Variants in SLC7A9 observed in about 807,000 individuals in gnomAD.
SLC7A9 encodes B(0,+)-type amino acid transporter 1.
Under a neutral mutation model 54.1 loss-of-function variants are expected in SLC7A9, and 38 were observed. The ratio of observed to expected loss-of-function variants is 0.70; its 90% CI spans 0.54 to 0.92. The LOEUF (loss-of-function observed/expected upper bound fraction) is 0.92, where lower values mean the gene tolerates loss of function less well. Among genes scored for constraint, SLC7A9 ranks in the 40% least tolerant of loss-of-function variants. The probability of loss-of-function intolerance (pLI) is 0.00; values close to 1 mark genes in which losing one functional copy is unlikely to be tolerated. For synonymous variants in SLC7A9, 264 were observed against 258.9 expected (o/e 1.02, Z -0.19); for missense variants, 537 against 636.1 (o/e 0.84, Z 1.68).
At chr19:32,862,647 CCTTT>C (rs1968837533) in intron 4 of SLC7A9, 61 bp from the exon 5 acceptor site, 5 of 1,492,264 alleles carry the variant, frequency 3.4e-6, no homozygotes, top group Non-Finnish European at 4.5e-6. Flanking sequence ...GAGAGAGTCT[CCTTT>C]CTTTTATATA....
At chr19:32,845,196 T>TA (rs1968251297) in intron 9 of SLC7A9, among the ~76,000 whole-genome samples, 3 of 151,332 alleles carry the variant, frequency 2.0e-5, no homozygotes, top group East Asian at 2.0e-4. Flanking sequence ...GGAGAAGATA[T>TA]AAAAAACAGG....
intron 9 of SLC7A9, among the ~76,000 whole-genome samples, chr19:32,846,151 G>A (rs1164391808): frequency 6.8e-6 from 1 of 147,866 alleles, no homozygotes; most frequent in East Asian, 2.0e-4. Flanking sequence ...ATCTCACTAG[G>A]GAGTGCCAGA....
At chr19:32,868,227 T>C (rs1303765082) in intron 2 of SLC7A9, among the ~76,000 whole-genome samples, 1 of 94,380 alleles carries the variant, frequency 1.1e-5, no homozygotes, top group Non-Finnish European at 2.0e-5. Flanking sequence ...CAACACTCCA[T>C]CTCAAAAAAA....
At chr19:32,841,616 T>C (rs761614658) in intron 11 of SLC7A9, among the ~76,000 whole-genome samples, 1 of 152,016 alleles carries the variant, frequency 6.6e-6, no homozygotes, top group Non-Finnish European at 1.5e-5. Flanking sequence ...GCGAGAGATA[T>C]CAGAACTGGG....
Position 32,833,179 on chromosome 19 carries a change from A to G in SLC7A9, c.1369T>C (p.Tyr457His), listed in dbSNP as rs138086959. The change falls in exon 12 of 13, where the codon TAC becomes CAC. Residue 457 changes from tyrosine (Y) to histidine (H), a missense_variant. Physicochemically the swap from Tyr to His is moderately conservative, Grantham distance 83. Transcript: ENST00000023064. Reference protein sequence around the residue: ...GLLFYFLFVHYKFGWAQKISK... With the variant: ...GLLFYFLFVHHKFGWAQKISK... ...ATTTTCTGAGCCCATCCAAACTTGT[A>G]GTGGACAAACAGGAAGTAAAATAAA... 1.6e-4 allele frequency: 260 copies of G among 1,614,066 alleles called. 1 individual carries two copies. The highest frequency in any genetic ancestry group is 2.1e-4 in the Non-Finnish European group (243 of 1,180,024).
chr19:32,842,311 T>C lies in SLC7A9; in HGVS notation c.1081A>G (p.Ile361Val), dbSNP rs1247312777. The change falls in exon 11 of 13, where the codon ATA becomes GTA. Residue 361 changes from isoleucine to valine, a missense_variant. Coordinates refer to ENST00000023064, the MANE Select transcript of SLC7A9 (RefSeq NM_014270.5). ...CCAGGGATGATATAAATCGTTGCTA[T>C]GATACCCTAATAGAAAGAAGAATGG... ...PAPAIIFYGIIATIYIIPGDI... is the reference protein window; with the variant it reads ...PAPAIIFYGIVATIYIIPGDI... 2 of 1,613,562 alleles carry C rather than the reference T, an allele frequency of 1.2e-6. No individual in the cohort carries two copies. The highest frequency in any genetic ancestry group is 1.7e-6 in the Non-Finnish European group (2 of 1,179,484).
chr19:32,843,615 G>A (rs1968191798), intron 10 of SLC7A9, among the ~76,000 whole-genome samples: 1 of 152,088 alleles, frequency 6.6e-6, no homozygotes, highest in Non-Finnish European at 1.5e-5. Context: ...TTGTTACCAG[G>A]GACCCAGCAC....
At chr19:32,840,681 C>T (rs1968102619) in intron 11 of SLC7A9, among the ~76,000 whole-genome samples, 1 of 152,130 alleles carries the variant, frequency 6.6e-6, no homozygotes, top group Admixed American at 6.6e-5. Context: ...CTGTTGTCGT[C>T]AGTGATCCTT....
chr19:32,832,796 C>CA, intron 12 of SLC7A9: 2 of 304,502 alleles, frequency 6.6e-6, no homozygotes, highest in Non-Finnish European at 1.3e-5. Flanking sequence ...GTGGTCCCAG[C>CA]TACTTGGGAG....
intron 11 of SLC7A9, among the ~76,000 whole-genome samples, chr19:32,838,784 CAT>C (rs1250014289): frequency 6.8e-6 from 1 of 146,672 alleles, no homozygotes; most frequent in Non-Finnish European, 1.5e-5. Flanking sequence ...CACATATATA[CAT>C]ATACAAATAT....
chr19:32,846,493 C>A (rs1271053098), intron 9 of SLC7A9, among the ~76,000 whole-genome samples: 2 of 152,174 alleles, frequency 1.3e-5, no homozygotes, highest in African/African-American at 4.8e-5. Flanking sequence ...ATTGCCCAGG[C>A]TTGATTAGGT....
At chr19:32,863,372 C>G (rs963468788) in intron 4 of SLC7A9, among the ~76,000 whole-genome samples, 1 of 151,998 alleles carries the variant, frequency 6.6e-6, no homozygotes, top group East Asian at 1.9e-4. Context: ...TGTAATCCCT[C>G]CACCTTGGTC....
Position 32,859,343 on chromosome 19 carries a change from A to AT in SLC7A9, c.873+497dup, listed in dbSNP as rs369614789. On this transcript the variant is annotated intron_variant, in intron 8 of 12. Transcript: ENST00000023064. ...CCCCCACTCCAACCGGAATGGCTGA[A>AT]TTCTCCCTCCCACCTCAGCAGCCCC... is the stretch of plus-strand genomic sequence containing the variant. 4.0e-3 allele frequency among the ~76,000 whole-genome samples: 609 copies of AT among 151,834 alleles called. 4 individuals are homozygous for AT. Among genetic ancestry groups the AT allele is most frequent in the African/African-American group, 0.014 (571 of 41,384 alleles).
At chr19:32,835,178 T>C (rs901603275) in intron 11 of SLC7A9, among the ~76,000 whole-genome samples, 9 of 152,252 alleles carry the variant, frequency 5.9e-5, no homozygotes, top group African/African-American at 1.9e-4. Flanking sequence ...ATCTTTTTAG[T>C]GTAACTGGGT....
chr19:32,868,874 T>C (rs965335324), intron 1 of SLC7A9, among the ~76,000 whole-genome samples: 4 of 152,070 alleles, frequency 2.6e-5, no homozygotes, highest in African/African-American at 4.8e-5. Context: ...TCTACCTCTA[T>C]GGTCAACTTC....
intron 9 of SLC7A9, among the ~76,000 whole-genome samples, chr19:32,856,388 G>T (rs1347289881): frequency 3.3e-5 from 5 of 152,110 alleles, no homozygotes; most frequent in Admixed American, 2.0e-4. Flanking sequence ...TAGAGATAGG[G>T]TTTCACCATG....
intron 11 of SLC7A9, among the ~76,000 whole-genome samples, chr19:32,838,548 A>G (rs1968031494): frequency 6.7e-6 from 1 of 148,188 alleles, no homozygotes; most frequent in Non-Finnish European, 1.5e-5. Context: ...TGTTGTATAT[A>G]TGTTATATAT....
intron 9 of SLC7A9, among the ~76,000 whole-genome samples, chr19:32,844,407 A>G (rs1968220263): frequency 6.6e-6 from 1 of 152,192 alleles, no homozygotes; most frequent in Admixed American, 6.5e-5. Flanking sequence ...GTAGAACACT[A>G]GAACCTGTTC....
intron 9 of SLC7A9, among the ~76,000 whole-genome samples, chr19:32,851,976 A>T (rs1323025446): frequency 1.3e-5 from 2 of 151,640 alleles, no homozygotes; most frequent in Non-Finnish European, 2.9e-5. Flanking sequence ...AACAATGAGA[A>T]CACATGGACA....
Sources: allele counts gnomAD v4.1 joint callset (sites outside exome capture counted in the v4.1 genomes callset), GRCh38; gene constraint gnomAD v4.1.1; transcripts MANE v1.5; gene names NCBI Gene and HGNC (gene_info 2026-07-23, HGNC 2026-07-21).